Variants in GRM8 observed in about 807,000 individuals in gnomAD.
The protein encoded by GRM8 is glutamate metabotropic receptor 8, also known as metabotropic glutamate receptor 8.
A neutral mutation model predicts 87.2 loss-of-function variants in GRM8; 47 were observed. That is an observed-to-expected ratio of 0.54 (90% CI 0.43 to 0.69). The LOEUF (loss-of-function observed/expected upper bound fraction) is 0.69, where lower values mean the gene tolerates loss of function less well. Ranked by LOEUF, GRM8 falls within the 30% of genes least tolerant of loss-of-function variation. GRM8 has a pLI of 0.00. For synonymous variants in GRM8, 396 were observed against 404.5 expected, an observed-to-expected ratio of 0.98 and a Z score of 0.25; for missense variants, 1,019 against 1,139.2, an observed-to-expected ratio of 0.89 and a Z score of 1.52.
intron 3 of GRM8, among the ~76,000 whole-genome samples, chr7:126,926,687 A>G (rs578194964): frequency 5.3e-5 from 8 of 152,202 alleles, no homozygotes; most frequent in Non-Finnish European, 8.8e-5. Flanking sequence ...CTCAGACTTC[A>G]GTCTTATCTC....
chr7:126,864,960 T>C (rs926473130), intron 6 of GRM8, among the ~76,000 whole-genome samples: 22 of 152,188 alleles, frequency 1.4e-4, no homozygotes, highest in African/African-American at 5.3e-4. Flanking sequence ...CCTACTCTGG[T>C]ACAGGGCACA....
intron 3 of GRM8, among the ~76,000 whole-genome samples, chr7:126,938,889 C>T (rs1410552920): frequency 4.6e-5 from 7 of 152,120 alleles, no homozygotes; most frequent in Admixed American, 4.6e-4. Flanking sequence ...ATCGTTTATA[C>T]ATCCTAGTTC....
intron 3 of GRM8, among the ~76,000 whole-genome samples, chr7:127,031,458 C>T (rs1817358942): frequency 1.3e-5 from 2 of 152,044 alleles, no homozygotes; most frequent in Admixed American, 1.3e-4. Flanking sequence ...CTGGATTGGC[C>T]CTTTTTGAAC....
At chr7:126,923,907 G>T (rs1276978007) in intron 3 of GRM8, among the ~76,000 whole-genome samples, 2 of 151,872 alleles carry the variant, frequency 1.3e-5, no homozygotes, top group Admixed American at 1.3e-4. Flanking sequence ...ATTGAAACTT[G>T]ATGAGTTCTA....
intron 2 of GRM8, among the ~76,000 whole-genome samples, chr7:127,160,296 A>G (rs1793017379): frequency 6.6e-6 from 1 of 152,130 alleles, no homozygotes; most frequent in Admixed American, 6.5e-5. Flanking sequence ...CGGGACTTGC[A>G]GGGTTGAAGG....
At chr7:127,209,902 C>T (rs1378096946) in intron 2 of GRM8, among the ~76,000 whole-genome samples, 1 of 152,114 alleles carries the variant, frequency 6.6e-6, no homozygotes, top group East Asian at 1.9e-4. Flanking sequence ...CCCCATGGCT[C>T]AATGAGAGCT....
At chr7:127,050,198 G>A (rs1819328821) in intron 3 of GRM8, among the ~76,000 whole-genome samples, 1 of 152,206 alleles carries the variant, frequency 6.6e-6, no homozygotes, top group Admixed American at 6.5e-5. Context: ...GAAGTGCAGT[G>A]ATCTGGACAG....
chr7:127,072,516 G>T (rs1284998572), intron 3 of GRM8, among the ~76,000 whole-genome samples: 1 of 151,864 alleles, frequency 6.6e-6, no homozygotes, highest in Non-Finnish European at 1.5e-5. Flanking sequence ...AAACTTTTTA[G>T]CATTTATATC....
intron 2 of GRM8, among the ~76,000 whole-genome samples, chr7:127,173,445 G>A (rs1332061736): frequency 3.3e-5 from 5 of 152,142 alleles, no homozygotes; most frequent in South Asian, 2.1e-4. Flanking sequence ...AGAAGGACAC[G>A]AAGCAGAGAG....
At position 126,884,682 on chromosome 7, in the gene GRM8, A is replaced by G. The variant is rs1216659722; in HGVS notation, c.1156+17860T>C. On this transcript the variant is annotated intron_variant, in intron 6 of 10. Coordinates refer to ENST00000339582, the MANE Select transcript of GRM8 (RefSeq NM_000845.3). ...CTACCTTGAAGTATTTTTTAGGTCT[A>G]GTTATTCATTTAACAAAGGATTATC... 2.0e-5 allele frequency among the ~76,000 whole-genome samples: 3 copies of G among 152,188 alleles called. No individual in the cohort carries two copies. In the East Asian group the frequency reaches 5.8e-4, roughly 29 times the overall value.
intron 7 of GRM8, among the ~76,000 whole-genome samples, chr7:126,752,666 T>C (rs1034742775): frequency 2.6e-5 from 4 of 152,112 alleles, no homozygotes; most frequent in East Asian, 1.9e-4. Context: ...GGAAATAATA[T>C]ACTTTTTAGC....
At chr7:126,921,583 A>T (rs530286438) in intron 3 of GRM8, among the ~76,000 whole-genome samples, 1 of 152,252 alleles carries the variant, frequency 6.6e-6, no homozygotes, top group East Asian at 1.9e-4. Context: ...AGTAAAAACC[A>T]ATTACAGAGA....
At chr7:126,693,687 G>A (rs1017019746) in intron 7 of GRM8, among the ~76,000 whole-genome samples, 2 of 152,058 alleles carry the variant, frequency 1.3e-5, no homozygotes, top group Non-Finnish European at 2.9e-5. Flanking sequence ...CTGAACCAAA[G>A]AGCAAGAAGA....
intron 6 of GRM8, among the ~76,000 whole-genome samples, chr7:126,800,634 A>G (rs1822565056): frequency 6.6e-6 from 1 of 152,142 alleles, no homozygotes; most frequent in Non-Finnish European, 1.5e-5. Flanking sequence ...GCCCTCTAGG[A>G]TCCTTTATGT....
intron 2 of GRM8, among the ~76,000 whole-genome samples, chr7:127,149,048 G>A (rs554811039): frequency 6.6e-6 from 1 of 151,868 alleles, no homozygotes; most frequent in East Asian, 1.9e-4. Flanking sequence ...ACATGAAAAG[G>A]TCAGGCCACA....
intron 3 of GRM8, among the ~76,000 whole-genome samples, chr7:126,936,313 C>G (rs1246421405): frequency 6.6e-6 from 1 of 152,040 alleles, no homozygotes; most frequent in Non-Finnish European, 1.5e-5. Context: ...GGAGATTTTT[C>G]TTTCCTATCA....
chr7:126,454,883 G>C (rs1365580053), intron 9 of GRM8, among the ~76,000 whole-genome samples: 1 of 151,572 alleles, frequency 6.6e-6, no homozygotes, highest in East Asian at 1.9e-4. Context: ...AGCAGTATGA[G>C]GAAATTGATT....
At chr7:126,972,517 AAGCAGGT>A (rs1340529455) in intron 3 of GRM8, among the ~76,000 whole-genome samples, 2 of 152,068 alleles carry the variant, frequency 1.3e-5, no homozygotes, top group Non-Finnish European at 2.9e-5. Context: ...TTAACTAAGC[AAGCAGGT>A]TCTTTATTTT....
intron 3 of GRM8, among the ~76,000 whole-genome samples, chr7:126,982,915 T>C (rs1811680528): frequency 6.6e-6 from 1 of 152,192 alleles, no homozygotes; most frequent in Admixed American, 6.5e-5. Context: ...TAGTTTCCCA[T>C]TGACCTTAAT....
Sources: gnomAD v4.1 joint callset for allele counts (sites outside exome capture counted in the v4.1 genomes callset) on GRCh38, gnomAD v4.1.1 for gene constraint, MANE v1.5 for transcripts, NCBI Gene and HGNC (gene_info 2026-07-23, HGNC 2026-07-21) for gene names.